Variants in TMEM222 observed in about 807,000 individuals in gnomAD.
TMEM222 encodes chromosome 1 open reading frame 160.
A neutral mutation model predicts 25.1 loss-of-function variants in TMEM222; 18 were observed. The ratio of observed to expected loss-of-function variants is 0.72; its 90% CI spans 0.50 to 1.06. The LOEUF (loss-of-function observed/expected upper bound fraction) is 1.06. TMEM222 is among the 50% of genes least tolerant of loss of function. The pLI, the probability that TMEM222 is intolerant of heterozygous loss-of-function variation, is 0.00. For missense variants in TMEM222, 296 were observed against 293.7 expected, an observed-to-expected ratio of 1.01 and a Z score of -0.06; for synonymous variants, 131 against 117.9, an observed-to-expected ratio of 1.11 and a Z score of -0.72.
intron 3 of TMEM222, 131 bp downstream of exon 3, chr1:27,332,232 C>T (rs1571012496): frequency 1.9e-6 from 2 of 1,048,382 alleles, no homozygotes; most frequent in East Asian, 4.9e-5. Flanking sequence ...GAGAGGTCAG[C>T]CAGGGTCCAC....
intron 2 of TMEM222, chr1:27,331,266 G>C: frequency 1.6e-6 from 1 of 622,754 alleles, no homozygotes. Flanking sequence ...CTGTGACCAA[G>C]ACTGGTCCAG....
At chr1:27,327,911 A>G (rs547033185) in intron 1 of TMEM222, among the ~76,000 whole-genome samples, 2 of 152,318 alleles carry the variant, frequency 1.3e-5, no homozygotes, top group Admixed American at 6.5e-5. Flanking sequence ...CCAGCCCCAG[A>G]CTCTACTCTT....
At position 27,335,381 on chromosome 1, in the gene TMEM222, T is replaced by C. The variant is rs747116500; in HGVS notation, c.542T>C (p.Val181Ala). The stretch of plus-strand genomic sequence containing the variant: ...GCTCGCTCCTTTCTCTCTGTCAGCG[T>C]TGGGGCCTTCGTGAAGACCTGGCTG... The part of the protein sequence containing the change: ...FCLLYGKYVS[V>A]GAFVKTWLPF... Residue 181 changes from valine (V) to alanine (A), a missense_variant and splice_region_variant, in exon 6 of 6, where the codon GTT (valine) becomes GCT (alanine). Physicochemically the swap from Val to Ala is moderately conservative, Grantham distance 64. Coordinates refer to ENST00000374076, the MANE Select transcript of TMEM222 (RefSeq NM_032125.3). The C allele has an allele frequency of 6.2e-7, 1 of 1,614,178 alleles. No individual in the cohort carries two copies. Among genetic ancestry groups the C allele is most frequent in the Non-Finnish European group, 8.5e-7 (1 of 1,179,988 alleles).
At chr1:27,329,912 G>C (rs1160315074) in intron 1 of TMEM222, among the ~76,000 whole-genome samples, 1 of 151,872 alleles carries the variant, frequency 6.6e-6, no homozygotes. Context: ...GACCAGCCTG[G>C]CCAACGTGAT....
intron 1 of TMEM222, among the ~76,000 whole-genome samples, chr1:27,324,439 T>G (rs530458414): frequency 6.6e-6 from 1 of 152,354 alleles, no homozygotes; most frequent in Admixed American, 6.5e-5. Context: ...ACACCATCTG[T>G]GGCGTGGTCC....
intron 1 of TMEM222, among the ~76,000 whole-genome samples, chr1:27,323,962 G>A (rs1255676726): frequency 6.6e-6 from 1 of 152,208 alleles, no homozygotes; most frequent in Non-Finnish European, 1.5e-5. Flanking sequence ...GAGATAGACA[G>A]TAAACAAGTA....
Position 27,322,240 on chromosome 1 carries a change from C to T in TMEM222, c.43C>T (p.Pro15Ser). The change falls in exon 1 of 6, where the codon CCG becomes TCG. Residue 15 changes from proline to serine, a missense_variant. Physicochemically the swap from Pro to Ser is moderately conservative, Grantham distance 74 (BLOSUM62 -1). Coordinates refer to ENST00000374076, the MANE Select transcript of TMEM222 (RefSeq NM_032125.3). Reference protein sequence around the residue: ...EGSSLLLLPPPPPPPRMAEVE... With the variant: ...EGSSLLLLPPSPPPPRMAEVE... ...GAGTTCTCTGCTCTTGTTGCCGCCG[C>T]CGCCACCCCCGCCCAGGATGGCGGA... 1.4e-6 allele frequency: 2 copies of T among 1,466,876 alleles called. No homozygotes were observed. Among genetic ancestry groups the T allele is most frequent in the Non-Finnish European group, 1.8e-6 (2 of 1,103,668 alleles). The allele number at this position is 1,466,876 out of a possible 1,614,324, so 90.9% of individuals were successfully genotyped here. A position where few individuals can be genotyped will look rare whatever the true frequency, so the allele number is the denominator to read the frequency against.
At chr1:27,330,940 C>A in intron 2 of TMEM222, 136 bp downstream of exon 2, 1 of 1,551,110 alleles carries the variant, frequency 6.4e-7, no homozygotes, top group Admixed American at 1.9e-5. Context: ...TGGCCCTCTG[C>A]CCCTCACCAG....
rs1187615446 is a variant in TMEM222, at chr1:27,322,216, A to G, written c.19A>G (p.Ser7Gly). 5 of 1,422,770 alleles carry G rather than the reference A, an allele frequency of 3.5e-6. No homozygotes were observed. The highest frequency in any genetic ancestry group is 4.6e-6 in the Non-Finnish European group (5 of 1,079,608). The allele number at this position is 1,422,770 out of a possible 1,614,324, so 88.1% of individuals were successfully genotyped here. A position where few individuals can be genotyped will look rare whatever the true frequency, so the allele number is the denominator to read the frequency against. Residue 7 changes from serine (S) to glycine (G), a missense_variant, in exon 1 of 6, where the codon AGT becomes GGT. Coordinates refer to ENST00000374076, the MANE Select transcript of TMEM222 (RefSeq NM_032125.3). MAEAEG[S>G]SLLLLPPPPP... ...GCGCCGCATGGCGGAAGCGGAAGGGAGTTCTCTGCTCTTGTTGCCGCCGCC... is the reference window on the plus strand; with the variant it reads ...GCGCCGCATGGCGGAAGCGGAAGGGGGTTCTCTGCTCTTGTTGCCGCCGCC...
At chr1:27,330,965 C>T (rs770847084) in intron 2 of TMEM222, 161 bp downstream of exon 2, 7 of 1,509,052 alleles carry the variant, frequency 4.6e-6, no homozygotes, top group Middle Eastern at 3.5e-4. Flanking sequence ...TGACCCCTTT[C>T]CCCCTTCTCT....
chr1:27,324,061 C>T lies in TMEM222; in HGVS notation c.194+1670C>T, dbSNP rs542222103. Among the ~76,000 whole-genome samples, 307 of 152,322 alleles carry T rather than the reference C, an allele frequency of 2.0e-3. 4 individuals carry two copies. Among genetic ancestry groups the T allele is most frequent in the Non-Finnish European group, 5.4e-4 (37 of 68,034 alleles). On this transcript the variant is annotated intron_variant, in intron 1 of 5. Transcript: ENST00000374076. ...ATAACAGGGGCCGGGCGTGGTGGCT[C>T]AGGCCTGTAATCCCAGCACTTTGGG... is the stretch of plus-strand genomic sequence containing the variant.
At chr1:27,327,916 A>G (rs1422906045) in intron 1 of TMEM222, among the ~76,000 whole-genome samples, 1 of 152,106 alleles carries the variant, frequency 6.6e-6, no homozygotes, top group African/African-American at 2.4e-5. Flanking sequence ...CCCAGACTCT[A>G]CTCTTAAATG....
At chr1:27,331,967 G>T in intron 2 of TMEM222, 103 bp from the exon 3 acceptor site, 2 of 1,239,056 alleles carry the variant, frequency 1.6e-6, no homozygotes, top group East Asian at 2.3e-5. Context: ...CCCCACCCCT[G>T]ACATACCCTC....
chr1:27,322,172 G>C lies in TMEM222; in HGVS notation c.-26G>C. ...GGGGACGAGCGGCACCAGAGCCGGG[G>C]CCAGTCGGAGCGGGGCGCGCGCCGC... On this transcript the variant is annotated 5_prime_UTR_variant, in exon 1 of 6. Coordinates refer to ENST00000374076, the MANE Select transcript of TMEM222 (RefSeq NM_032125.3). 1 of 1,371,332 alleles carries C rather than the reference G, an allele frequency of 7.3e-7. No homozygotes were observed. The highest frequency in any genetic ancestry group is 9.5e-7 in the Non-Finnish European group (1 of 1,051,190). 84.9% of individuals were successfully genotyped at this position (1,371,332 alleles called of 1,614,324 possible).
chr1:27,332,860 T>A (rs566282411), intron 3 of TMEM222: 25 of 334,018 alleles, frequency 7.5e-5, no homozygotes, highest in Non-Finnish European at 1.3e-4. Flanking sequence ...TCAAGGACAG[T>A]TTTAAGGGCA....
intron 1 of TMEM222, chr1:27,325,367 C>T (rs1281639938): frequency 1.1e-6 from 1 of 919,966 alleles, no homozygotes. Flanking sequence ...CTACCACATC[C>T]TCCTCCCTGG....
At chr1:27,334,893 C>A in intron 5 of TMEM222, 1 of 959,690 alleles carries the variant, frequency 1.0e-6, no homozygotes, top group Non-Finnish European at 1.3e-6. Flanking sequence ...ACTGGTCACA[C>A]AGAGGTTGAA....
In TMEM222 at chr1:27,322,332, G is replaced by A. The variant is rs2014222250; in HGVS notation, c.135G>A (p.Met45Ile). The A allele has an allele frequency of 6.5e-7, 1 of 1,546,880 alleles. No individual in the cohort carries two copies. Among genetic ancestry groups the A allele is most frequent in the Admixed American group, 1.9e-5 (1 of 53,068 alleles). Residue 45 changes from methionine (M) to isoleucine (I), a missense_variant, in exon 1 of 6, where the codon ATG (methionine) becomes ATA (isoleucine). Met to Ile is a conservative substitution (Grantham distance 10, BLOSUM62 1). Coordinates refer to ENST00000374076, the MANE Select transcript of TMEM222 (RefSeq NM_032125.3). ...ATCAAGGCTCCGGCGGCGTCGCCAT[G>A]GATGTGGAACGGAGTCGCTTCCCCT... ...KQYQGSGGVA[M>I]DVERSRFPYC...
rs56119994 is a variant in TMEM222, at chr1:27,329,712, G to A, written c.195-1008G>A. ...ACATTTTAAGAGTACAGTTCAATGA[G>A]TTTTGGCAAATGTTATTTCCCAGGG... On this transcript the variant is annotated intron_variant, in intron 1 of 5. Coordinates refer to ENST00000374076, the MANE Select transcript of TMEM222 (RefSeq NM_032125.3). 8.6e-3 allele frequency among the ~76,000 whole-genome samples: 1,303 copies of A among 152,318 alleles called. 21 individuals carry two copies. The highest frequency in any genetic ancestry group is 0.029 in the African/African-American group (1,215 of 41,564).
Sources: allele counts gnomAD v4.1 joint callset (sites outside exome capture counted in the v4.1 genomes callset), GRCh38; gene constraint gnomAD v4.1.1; transcripts MANE v1.5; gene names NCBI Gene and HGNC (gene_info 2026-07-23, HGNC 2026-07-21).